PIP5K1B: variants seen among roughly 807,000 people sequenced by gnomAD.
The protein encoded by PIP5K1B is phosphatidylinositol 4-phosphate 5-kinase type-1 beta.
PIP5K1B carries 42 observed loss-of-function variants against 67.0 expected under a neutral mutation model. The ratio of observed to expected loss-of-function variants is 0.63; its 90% CI spans 0.49 to 0.81. The LOEUF is 0.81. PIP5K1B is among the 30% of genes least tolerant of loss of function. The probability of loss-of-function intolerance (pLI) is 0.00; values close to 1 mark genes in which losing one functional copy is unlikely to be tolerated. For missense variants in PIP5K1B, 459 were observed against 646.3 expected (o/e 0.71, Z 3.14); for synonymous variants, 214 against 231.4 (o/e 0.92, Z 0.68).
chr9:68,827,432 AT>A (rs1384106400), intron 4 of PIP5K1B, among the ~76,000 whole-genome samples: 1 of 152,236 alleles, frequency 6.6e-6, no homozygotes, highest in African/African-American at 2.4e-5. Context: ...GAGAACTGTA[AT>A]TTTTAATCTT....
At chr9:68,755,557 G>A (rs1426440005) in intron 2 of PIP5K1B, among the ~76,000 whole-genome samples, 3 of 152,134 alleles carry the variant, frequency 2.0e-5, no homozygotes, top group African/African-American at 7.2e-5. Flanking sequence ...AAAATAGAGG[G>A]AATATAAGCC....
intron 2 of PIP5K1B, among the ~76,000 whole-genome samples, chr9:68,763,502 CAAT>C (rs1464693706): frequency 1.3e-5 from 2 of 151,960 alleles, no homozygotes; most frequent in African/African-American, 4.8e-5. Flanking sequence ...ATGATGATCA[CAAT>C]GATATTACAT....
In PIP5K1B at chr9:68,856,518, G is replaced by A. The variant is rs114898395; in HGVS notation, c.70-7319G>A. Among the ~76,000 whole-genome samples the A allele has an allele frequency of 6.9e-3, 1,051 of 152,212 alleles. 7 individuals carry two copies. The highest frequency in any genetic ancestry group is 0.024 in the African/African-American group (982 of 41,514). The stretch of plus-strand genomic sequence containing the variant: ...CTCCATCATTCTTGAGTGGGTCTCC[G>A]CCCTTCTGACCTCAATTATTTCACG... On this transcript the variant is annotated intron_variant, in intron 4 of 15. Transcript: ENST00000265382.
chr9:68,727,375 C>T (rs1828203884), intron 1 of PIP5K1B, among the ~76,000 whole-genome samples: 1 of 151,896 alleles, frequency 6.6e-6, no homozygotes, highest in Admixed American at 6.6e-5. Context: ...ACATACGTTT[C>T]CCTGAAAAAA....
At chr9:68,724,739 A>G (rs1007133089) in intron 1 of PIP5K1B, among the ~76,000 whole-genome samples, 1 of 152,114 alleles carries the variant, frequency 6.6e-6, no homozygotes, top group Non-Finnish European at 1.5e-5. Context: ...CACTGTTCAC[A>G]TATAAAAACT....
At position 68,720,665 on chromosome 9, in the gene PIP5K1B, T is replaced by G. The variant is rs1587338835; in HGVS notation, c.-243+14903T>G. ...CTGGTGTAGAAACTTCCCAAATAAC[T>G]TCCATACCTCCCTATCTACCCGCTT... On this transcript the variant is annotated intron_variant, in intron 1 of 15. Transcript: ENST00000265382. Among the ~76,000 whole-genome samples the G allele has an allele frequency of 2.0e-5, 3 of 152,306 alleles. 1 individual carries two copies. The highest frequency in any genetic ancestry group is 7.2e-5 in the African/African-American group (3 of 41,558).
intron 14 of PIP5K1B, chr9:68,963,243 C>T: frequency 4.4e-6 from 2 of 456,162 alleles, no homozygotes; most frequent in South Asian, 3.1e-5. Context: ...TGGCTCACAC[C>T]TGTAATCCCA....
intron 8 of PIP5K1B, among the ~76,000 whole-genome samples, chr9:68,912,345 A>T (rs1825897583): frequency 6.6e-6 from 1 of 152,160 alleles, no homozygotes; most frequent in South Asian, 2.1e-4. Context: ...AAAGTAGAAA[A>T]AACAGAGAGC....
chr9:68,807,479 G>A (rs1832931618), intron 2 of PIP5K1B, among the ~76,000 whole-genome samples: 1 of 152,112 alleles, frequency 6.6e-6, no homozygotes. Flanking sequence ...CCCTGCTATG[G>A]CCTTTCAGAC....
chr9:68,814,256 TA>T (rs1833317793), intron 2 of PIP5K1B, among the ~76,000 whole-genome samples: 1 of 152,224 alleles, frequency 6.6e-6, no homozygotes, highest in African/African-American at 2.4e-5. Context: ...GAAAATAGTG[TA>T]TAGTCATTTT....
chr9:68,728,862 G>A (rs1237790380), intron 1 of PIP5K1B: 4 of 152,164 alleles, frequency 2.6e-5, no homozygotes, highest in African/African-American at 9.7e-5. Flanking sequence ...TTCAAGAAGA[G>A]GCTTAAAGCT....
chr9:68,783,707 T>C (rs567801806), intron 2 of PIP5K1B: 17 of 167,186 alleles, frequency 1.0e-4, no homozygotes, highest in African/African-American at 3.4e-4. Context: ...TCTACCTCTA[T>C]TGCCACTCTG....
chr9:68,710,996 G>C (rs894601582), intron 1 of PIP5K1B, among the ~76,000 whole-genome samples: 2 of 152,168 alleles, frequency 1.3e-5, no homozygotes, highest in African/African-American at 4.8e-5. Flanking sequence ...GCAAGGATTG[G>C]AATTGTAAGT....
At chr9:68,835,456 T>G (rs1587528500) in intron 4 of PIP5K1B, among the ~76,000 whole-genome samples, 1 of 152,212 alleles carries the variant, frequency 6.6e-6, no homozygotes, top group African/African-American at 2.4e-5. Context: ...TATGAGAAGG[T>G]ACCAGGAAGA....
At chr9:68,996,931 A>G (rs1452268284) in intron 15 of PIP5K1B, among the ~76,000 whole-genome samples, 1 of 152,238 alleles carries the variant, frequency 6.6e-6, no homozygotes, top group Non-Finnish European at 1.5e-5. Context: ...CATCCTCTCA[A>G]TAATATGTAC....
chr9:68,739,685 T>G (rs1295602068), intron 1 of PIP5K1B: 1 of 152,298 alleles, frequency 6.6e-6, no homozygotes, highest in Non-Finnish European at 1.5e-5. Flanking sequence ...CTCCTTCCAC[T>G]GAGAATTCTC....
At chr9:68,783,882 G>A (rs1047443024) in intron 2 of PIP5K1B, 1 of 166,868 alleles carries the variant, frequency 6.0e-6, no homozygotes, top group Admixed American at 6.6e-5. Context: ...CCAGCTGAAC[G>A]CTTTTCATTT....
chr9:68,881,922 A>G (rs1006343497), intron 6 of PIP5K1B, among the ~76,000 whole-genome samples: 5 of 152,240 alleles, frequency 3.3e-5, no homozygotes, highest in Non-Finnish European at 7.3e-5. Context: ...CGCCAATAAG[A>G]AAGAGAGCAG....
chr9:68,750,815 T>C (rs545046955), intron 2 of PIP5K1B, among the ~76,000 whole-genome samples: 1 of 152,202 alleles, frequency 6.6e-6, no homozygotes, highest in African/African-American at 2.4e-5. Context: ...AGGGGGCAGG[T>C]TGTGATATTA....
Sources: allele counts gnomAD v4.1 joint callset (sites outside exome capture counted in the v4.1 genomes callset), GRCh38; gene constraint gnomAD v4.1.1; transcripts MANE v1.5; gene names NCBI Gene and HGNC (gene_info 2026-07-23, HGNC 2026-07-21).